Variants in ZBTB20 observed in about 807,000 individuals in gnomAD.
ZBTB20 encodes the protein zinc finger and BTB domain containing 20, also known as zinc finger and BTB domain-containing protein 20.
ZBTB20 carries 9 observed loss-of-function variants against 56.9 expected under a neutral mutation model. The observed-to-expected ratio is 0.16, with a 90% CI of 0.10 to 0.28. ZBTB20 has a LOEUF of 0.28. Among genes scored for constraint, ZBTB20 ranks in the 10% least tolerant of loss-of-function variants. The probability of loss-of-function intolerance (pLI) is 1.00; values close to 1 mark genes in which losing one functional copy is unlikely to be tolerated. For synonymous variants in ZBTB20, 417 were observed against 420.7 expected (o/e 0.99, Z 0.11); for missense variants, 655 against 1,003.0 (o/e 0.65, Z 4.69).
intron 5 of ZBTB20, among the ~76,000 whole-genome samples, chr3:114,721,616 T>C (rs903792789): frequency 1.3e-5 from 2 of 152,148 alleles, no homozygotes; most frequent in Non-Finnish European, 2.9e-5. Context: ...AAGCAACTTT[T>C]TCAAGGTTAT....
intron 7 of ZBTB20, among the ~76,000 whole-genome samples, chr3:114,390,069 T>C (rs1294523732): frequency 6.6e-6 from 1 of 152,190 alleles, no homozygotes. Context: ...TTTGTGTCCT[T>C]TGACTGATGT....
At chr3:114,461,245 G>GA (rs2092313994) in intron 7 of ZBTB20, among the ~76,000 whole-genome samples, 1 of 150,618 alleles carries the variant, frequency 6.6e-6, no homozygotes, top group South Asian at 2.1e-4. Context: ...ACAGAGGTCA[G>GA]AAAAAAGAAG....
At chr3:114,771,820 T>C (rs1392348930) in intron 5 of ZBTB20, among the ~76,000 whole-genome samples, 1 of 152,172 alleles carries the variant, frequency 6.6e-6, no homozygotes, top group Non-Finnish European at 1.5e-5. Flanking sequence ...GTATTTCTGG[T>C]GTTAGAAAGT....
At position 114,450,389 on chromosome 3, in the gene ZBTB20, C is replaced by T. The variant is rs1016627990; in HGVS notation, c.-255+49963G>A. On this transcript the variant is annotated intron_variant, in intron 7 of 11. Coordinates refer to ENST00000675478, the MANE Select transcript of ZBTB20 (RefSeq NM_001348800.3). ...GAGACAAAGCTGTTTTGGAGTTTTC[C>T]GCTGAAGGAAAAAAGGCTTTTAAAA... Among the ~76,000 whole-genome samples, 3 of 152,130 alleles carry T rather than the reference C, an allele frequency of 2.0e-5. No individual in the cohort carries two copies. The East Asian group carries it at 5.8e-4, about 29-fold the overall frequency.
intron 7 of ZBTB20, among the ~76,000 whole-genome samples, chr3:114,495,358 G>A (rs780979366): frequency 6.6e-6 from 1 of 152,094 alleles, no homozygotes; most frequent in Non-Finnish European, 1.5e-5. Context: ...GTAGCTGGAT[G>A]GTTCCTGAAG....
intron 5 of ZBTB20, among the ~76,000 whole-genome samples, chr3:114,708,742 A>C (rs2063868018): frequency 6.6e-6 from 1 of 152,166 alleles, no homozygotes; most frequent in Non-Finnish European, 1.5e-5. Context: ...AAATATTGCT[A>C]AGTTAAATAT....
rs201568736 is a variant in ZBTB20, at chr3:114,593,384, CT to C, written c.-294-92994del. On this transcript the variant is annotated intron_variant, in intron 6 of 11. Transcript: ENST00000675478. ...AGATTTTTTTGTTCTTTTTTCTTTT[CT>C]TTTTTTTTTTTTTTTTGAGACGGAG... Among the ~76,000 whole-genome samples, 672 of 133,450 alleles carry C rather than the reference CT, an allele frequency of 5.0e-3. 6 individuals carry two copies. Among genetic ancestry groups the C allele is most frequent in the African/African-American group, 0.014 (495 of 35,728 alleles). The allele number at this position is 133,450 out of a possible 152,430, so 87.5% of individuals were successfully genotyped here. A position where few individuals can be genotyped will look rare whatever the true frequency, so the allele number is the denominator to read the frequency against.
chr3:114,606,882 G>A lies in ZBTB20; in HGVS notation c.-295+86646C>T, dbSNP rs141133209. Among the ~76,000 whole-genome samples, 884 of 152,156 alleles carry A rather than the reference G, an allele frequency of 5.8e-3. 8 individuals carry two copies. Among genetic ancestry groups the A allele is most frequent in the African/African-American group, 0.02 (841 of 41,488 alleles). ...AGGTTGAGGCGGGTGGATCACTTGA[G>A]GTCAGGAGTTCGAGGCCAGCCTTGC... On this transcript the variant is annotated intron_variant, in intron 6 of 11. Coordinates refer to ENST00000675478, the MANE Select transcript of ZBTB20 (RefSeq NM_001348800.3).
chr3:114,875,630 C>G (rs188171849), intron 4 of ZBTB20, among the ~76,000 whole-genome samples: 1 of 151,968 alleles, frequency 6.6e-6, no homozygotes, highest in Admixed American at 6.6e-5. Context: ...ACTATATAAC[C>G]CTCCCTTGTG....
At chr3:114,572,949 T>C (rs2053594999) in intron 6 of ZBTB20, among the ~76,000 whole-genome samples, 1 of 152,232 alleles carries the variant, frequency 6.6e-6, no homozygotes, top group Non-Finnish European at 1.5e-5. Context: ...GGTTCTTCCT[T>C]GACATACTGT....
chr3:114,906,920 A>T (rs1409767834), intron 3 of ZBTB20, among the ~76,000 whole-genome samples: 1 of 151,846 alleles, frequency 6.6e-6, no homozygotes, highest in Non-Finnish European at 1.5e-5. Context: ...AAAACTGCCA[A>T]GAAATCTATT....
At chr3:114,860,303 C>G (rs1488785480) in intron 4 of ZBTB20, among the ~76,000 whole-genome samples, 1 of 19,700 alleles carries the variant, frequency 5.1e-5, no homozygotes, top group Non-Finnish European at 1.6e-4. Flanking sequence ...AAGACTCCGT[C>G]TCAAAAAAAA....
intron 5 of ZBTB20, among the ~76,000 whole-genome samples, chr3:114,694,879 C>G (rs554291650): frequency 6.6e-6 from 1 of 151,996 alleles, no homozygotes. Context: ...GATAAAAAGG[C>G]CTTTCTCATA....
At chr3:114,351,899 C>T (rs1273728271) in intron 10 of ZBTB20, 21 bp from the exon 11 acceptor site, 3 of 1,571,914 alleles carry the variant, frequency 1.9e-6, no homozygotes, top group Admixed American at 3.4e-5. Context: ...TCAACGCAGA[C>T]ACAAAACAGG....
At chr3:114,652,974 T>C (rs941484786) in intron 6 of ZBTB20, among the ~76,000 whole-genome samples, 1 of 151,988 alleles carries the variant, frequency 6.6e-6, no homozygotes, top group Non-Finnish European at 1.5e-5. Flanking sequence ...ATGCAATCAA[T>C]TTTTGTATAT....
chr3:114,778,011 T>C (rs1288303937), intron 5 of ZBTB20, among the ~76,000 whole-genome samples: 2 of 143,380 alleles, frequency 1.4e-5, no homozygotes, highest in African/African-American at 2.6e-5. Context: ...AACCAAACAC[T>C]GCATGTTCTC....
chr3:114,962,153 C>G lies in ZBTB20; in HGVS notation c.-456+12213G>C, dbSNP rs548923272. Among the ~76,000 whole-genome samples the G allele has an allele frequency of 1.5e-4, 23 of 150,910 alleles. No homozygotes were observed. The South Asian group carries it at 4.8e-3, about 31-fold the overall frequency. On this transcript the variant is annotated intron_variant, in intron 3 of 11. Coordinates refer to ENST00000675478, the MANE Select transcript of ZBTB20 (RefSeq NM_001348800.3). ...TGCTCCAGGCTTACTTTCTAAGCTC[C>G]CTTTTCCACATGCACAGTTGCTATA...
chr3:114,868,450 A>C (rs1199039600), intron 4 of ZBTB20, among the ~76,000 whole-genome samples: 1 of 152,214 alleles, frequency 6.6e-6, no homozygotes, highest in African/African-American at 2.4e-5. Flanking sequence ...TACCCAAAGC[A>C]TCAAAACTAA....
In ZBTB20 at chr3:114,959,801, G is replaced by A. The variant is rs1396080831; in HGVS notation, c.-456+14565C>T. The stretch of plus-strand genomic sequence containing the variant: ...ATATTTTGAAGCATACAAATTTAGA[G>A]AGTCTAGATTTAAAACAGTGGCAAA... On this transcript the variant is annotated intron_variant, in intron 3 of 11. Coordinates refer to ENST00000675478, the MANE Select transcript of ZBTB20 (RefSeq NM_001348800.3). Among the ~76,000 whole-genome samples, 3 of 151,744 alleles carry A rather than the reference G, an allele frequency of 2.0e-5. No individual in the cohort carries two copies. The East Asian group carries it at 5.8e-4, about 29-fold the overall frequency.
Sources: gnomAD v4.1 joint callset for allele counts (sites outside exome capture counted in the v4.1 genomes callset) on GRCh38, gnomAD v4.1.1 for gene constraint, MANE v1.5 for transcripts, NCBI Gene and HGNC (gene_info 2026-07-23, HGNC 2026-07-21) for gene names.